Variants in UROD observed in about 807,000 individuals in gnomAD.
The protein encoded by UROD is uroporphyrinogen decarboxylase.
UROD carries 34 observed loss-of-function variants against 47.1 expected under a neutral mutation model. The observed-to-expected ratio is 0.72, with a 90% confidence interval of 0.55 to 0.96. The LOEUF (loss-of-function observed/expected upper bound fraction) is 0.96. Among genes scored for constraint, UROD ranks in the 40% least tolerant of loss-of-function variants. UROD has a pLI of 0.00. For missense variants in UROD, 381 were observed against 471.8 expected (o/e 0.81, Z 1.78); for synonymous variants, 148 against 175.8 (o/e 0.84, Z 1.25).
Position 45,013,153 on chromosome 1 carries a change from G to A in UROD, c.151G>A (p.Ala51Thr), listed in dbSNP as rs892207866. The A allele has an allele frequency of 4.3e-6, 7 of 1,614,066 alleles. No homozygotes were observed. The highest frequency in any genetic ancestry group is 3.3e-4 in the Middle Eastern group (2 of 6,084). The change falls in exon 3 of 10, where the codon GCT (alanine) becomes ACT (threonine). Residue 51 changes from alanine to threonine, a missense_variant. By Grantham distance (58) the Ala-to-Thr change is moderately conservative (BLOSUM62 0). Coordinates refer to ENST00000246337, the MANE Select transcript of UROD (RefSeq NM_000374.5). The surrounding 1 kb of genome is among the most constrained non-coding windows in gnomAD (Gnocchi z 4.2). ...GTATGCAGAGTTTAGGGAAACCCGG[G>A]CTGCCCAGGACTTTTTCAGCACGTG... ...RYLPEFRETR[A>T]AQDFFSTCRS...
At position 45,015,388 on chromosome 1, in the gene UROD, C is replaced by T. The variant is rs749879899; in HGVS notation, c.994C>T (p.Arg332Cys). 63 of 1,614,048 alleles carry T rather than the reference C, an allele frequency of 3.9e-5. No individual in the cohort carries two copies. The highest frequency in any genetic ancestry group is 6.7e-5 in the Admixed American group (4 of 59,998). Reference protein sequence around the residue: ...KQMLDDFGPHRYIANLGHGLY... With the variant: ...KQMLDDFGPHCYIANLGHGLY... ...GATGCTGGATGACTTTGGACCACAT[C>T]GCTACATTGCCAACCTGGGCCATGG... Residue 332 changes from arginine (R) to cysteine (C), a missense_variant, in exon 10 of 10, where the codon CGC (arginine) becomes TGC (cysteine). Coordinates refer to ENST00000246337, the MANE Select transcript of UROD (RefSeq NM_000374.5).
rs772886981 is a variant in UROD, at chr1:45,013,771, A to G, written c.454A>G (p.Ile152Val). The change falls in exon 5 of 10, where the codon ATT (isoleucine) becomes GTT (valine). Residue 152 changes from isoleucine to valine, a missense_variant. By Grantham distance (29) the Ile-to-Val change is conservative. Coordinates refer to ENST00000246337, the MANE Select transcript of UROD (RefSeq NM_000374.5). The surrounding 1 kb of genome is among the most constrained non-coding windows in gnomAD (Gnocchi z 4.2). Reference protein sequence around the residue: ...RQRLAGRVPLIGFAGAPWTLM... With the variant: ...RQRLAGRVPLVGFAGAPWTLM... ...ACGACTGGCTGGACGTGTGCCGCTG[A>G]TTGGCTTTGCTGGTGCCCCAGTAAT... is the stretch of plus-strand genomic sequence containing the variant. The G allele has an allele frequency of 5.0e-6, 8 of 1,614,138 alleles. No homozygotes were observed. The South Asian group carries it at 8.8e-5, about 18-fold the overall frequency.
chr1:45,013,246 A>G lies in UROD; in HGVS notation c.213+31A>G. 6.2e-7 allele frequency: 1 copy of G among 1,614,174 alleles called. No individual in the cohort carries two copies. The highest frequency in any genetic ancestry group is 1.3e-5 in the African/African-American group (1 of 75,044). On this transcript the variant is annotated intron_variant, in intron 3 of 9. Coordinates refer to ENST00000246337, the MANE Select transcript of UROD (RefSeq NM_000374.5). This position sits in a 1 kb window ranked among gnomAD's most constrained non-coding sequence, Gnocchi z 4.2. ...GGGTCCACAAAAGAGGGAAAGATTT[A>G]TGCCTTCAGTCTGCCACCTAGCAAC... is the stretch of plus-strand genomic sequence containing the variant.
rs546357273 is a variant in UROD at position 45,014,964 on chromosome 1, A to G, written c.900A>G (p.Thr300=). The G allele has an allele frequency of 7.4e-6, 12 of 1,614,112 alleles. No homozygotes were observed. The highest frequency in any genetic ancestry group is 2.2e-5 in the South Asian group (2 of 91,072). The part of the protein sequence containing the change: ...KARECVGKTV[T]LQGNLDPCAL... Reference sequence around the variant, plus strand: ...GGGAGTGTGTGGGGAAGACGGTGACATTGCAGGGCAACCTGGACCCCTGTG... The same window carrying G: ...GGGAGTGTGTGGGGAAGACGGTGACGTTGCAGGGCAACCTGGACCCCTGTG... Residue 300 remains threonine, a synonymous_variant, in exon 9 of 10, where the codon ACA becomes ACG. Coordinates refer to ENST00000246337, the MANE Select transcript of UROD (RefSeq NM_000374.5).
At position 45,013,254 on chromosome 1, in the gene UROD, A is replaced by C. The variant is rs781094801; in HGVS notation, c.214-38A>C. ...AAAAGAGGGAAAGATTTATGCCTTC[A>C]GTCTGCCACCTAGCAACCTGTCTCC... On this transcript the variant is annotated intron_variant, in intron 3 of 9. Transcript: ENST00000246337. The surrounding 1 kb of genome is among the most constrained non-coding windows in gnomAD (Gnocchi z 4.2). 1 of 1,614,196 alleles carries C rather than the reference A, an allele frequency of 6.2e-7. No individual in the cohort carries two copies.
intron 1 of UROD, chr1:45,012,574 A>G: frequency 1.6e-6 from 1 of 616,816 alleles, no homozygotes; most frequent in South Asian, 2.0e-5. Context: ...GAACCAGCCC[A>G]GTGACATTCC....
Position 45,015,563 on chromosome 1 carries a change from TTTCGG to T in UROD, c.*66_*70del. On this transcript the variant is annotated 3_prime_UTR_variant, in exon 10 of 10. Transcript: ENST00000246337. ...TTGATCGTTTCCAGGACAATAAAAG[TTTCGG>T]AGTTGAACTATTGTGTAGTTTTGTT... is the stretch of plus-strand genomic sequence containing the variant. The T allele has an allele frequency of 6.2e-7, 1 of 1,612,360 alleles. No homozygotes were observed. Among genetic ancestry groups the T allele is most frequent in the Non-Finnish European group, 8.5e-7 (1 of 1,179,546 alleles).
intron 6 of UROD, 119 bp downstream of exon 6, chr1:45,014,189 C>T: frequency 6.6e-7 from 1 of 1,506,744 alleles, no homozygotes; most frequent in South Asian, 1.1e-5. Flanking sequence ...ACCTTGGCCT[C>T]CAGTGATCTA....
intron 1 of UROD, 127 bp from the exon 2 acceptor site, chr1:45,012,780 G>A: frequency 6.5e-7 from 1 of 1,544,474 alleles, no homozygotes; most frequent in Non-Finnish European, 8.8e-7. Flanking sequence ...CGGAAAGCCA[G>A]GGTTTGGGAG....
intron 7 of UROD, 67 bp downstream of exon 7, chr1:45,014,643 T>G: frequency 6.2e-7 from 1 of 1,613,810 alleles, no homozygotes. Context: ...CTGCATGGAC[T>G]GGAGTGACCA....
In UROD at chr1:45,013,368, C is replaced by T. The variant is rs201777121; in HGVS notation, c.276+14C>T. ...GTTGTACCCCAGGTACCCACTCAAACCTGATCCTAGAATATAATCCAAGGA... is the reference window on the plus strand; with the variant it reads ...GTTGTACCCCAGGTACCCACTCAAATCTGATCCTAGAATATAATCCAAGGA... On this transcript the variant is annotated intron_variant, in intron 4 of 9. Coordinates refer to ENST00000246337, the MANE Select transcript of UROD (RefSeq NM_000374.5). This position sits in a 1 kb window ranked among gnomAD's most constrained non-coding sequence, Gnocchi z 4.2. 219 of 1,614,176 alleles carry T rather than the reference C, an allele frequency of 1.4e-4. 1 individual carries two copies. The highest frequency in any genetic ancestry group is 7.8e-4 in the Admixed American group (47 of 60,024).
chr1:45,014,735 G>C lies in UROD; in HGVS notation c.775-1G>C. The C allele has an allele frequency of 6.2e-7, 1 of 1,614,206 alleles. No individual in the cohort carries two copies. Among genetic ancestry groups the C allele is most frequent in the Non-Finnish European group, 8.5e-7 (1 of 1,180,028 alleles). On this transcript the variant is annotated splice_acceptor_variant, in intron 7 of 9. Transcript: ENST00000246337. LOFTEE classifies it high-confidence loss of function. Reference sequence around the variant, plus strand: ...GTAGCCTGAGATCTGCTTTTTTCTAGATCATCTTTGCTAAGGATGGGCATT... The same window carrying C: ...GTAGCCTGAGATCTGCTTTTTTCTACATCATCTTTGCTAAGGATGGGCATT...
chr1:45,014,666 A>G, intron 7 of UROD, 70 bp from the exon 8 acceptor site: 2 of 1,613,588 alleles, frequency 1.2e-6, no homozygotes, highest in Non-Finnish European at 1.7e-6. Context: ...GGAGGGCAGC[A>G]GAAGTACAGT....
Sources: gnomAD v4.1 joint callset for allele counts on GRCh38, gnomAD v4.1.1 for gene constraint, Gnocchi (gnomAD v3.1) non-coding constraint, MANE v1.5 for transcripts, NCBI Gene and HGNC (gene_info 2026-07-23, HGNC 2026-07-21) for gene names.